Variants in CACNA1C observed in about 807,000 individuals in gnomAD.
The protein encoded by CACNA1C is calcium voltage-gated channel subunit alpha1 C.
In CACNA1C, 30 loss-of-function variants were observed where a neutral mutation model predicts 229.0. The ratio of observed to expected loss-of-function variants is 0.13; its 90% CI spans 0.10 to 0.18. CACNA1C has a LOEUF of 0.18. Among genes scored for constraint, CACNA1C ranks in the 10% least tolerant of loss-of-function variants. The probability of loss-of-function intolerance (pLI) is 1.00; values close to 1 mark genes in which losing one functional copy is unlikely to be tolerated. For missense variants in CACNA1C, 1,658 were observed against 2,845.0 expected (o/e 0.58, Z 9.49); for synonymous variants, 1,114 against 1,132.5 (o/e 0.98, Z 0.33).
chr12:2,042,908 A>T (rs1427036323), intron 1 of CACNA1C, among the ~76,000 whole-genome samples: 1 of 152,230 alleles, frequency 6.6e-6, no homozygotes, highest in Non-Finnish European at 1.5e-5. Context: ...CCACATAAGA[A>T]TAGTTTGCAT....
intron 3 of CACNA1C, among the ~76,000 whole-genome samples, chr12:2,381,686 C>T (rs555023379): frequency 6.6e-6 from 1 of 152,308 alleles, no homozygotes; most frequent in Admixed American, 6.5e-5. Flanking sequence ...GTTTCCTTGT[C>T]GTAGAGAACT....
intron 3 of CACNA1C, among the ~76,000 whole-genome samples, chr12:2,279,363 C>T (rs1323985074): frequency 6.6e-6 from 1 of 152,020 alleles, no homozygotes; most frequent in Non-Finnish European, 1.5e-5. Flanking sequence ...TGCTAGTTAC[C>T]CCTTCATCTT....
At chr12:2,668,631 C>T (rs1254386737) in intron 37 of CACNA1C, 1 of 290,436 alleles carries the variant, frequency 3.4e-6, no homozygotes, top group African/African-American at 2.2e-5. Context: ...AAAGGGGAGG[C>T]AGGTACGTCA....
At chr12:1,996,750 TG>T in intron 1 of CACNA1C, among the ~76,000 whole-genome samples, 1 of 150,884 alleles carries the variant, frequency 6.6e-6, no homozygotes, top group Middle Eastern at 3.6e-3. Flanking sequence ...GGCCGTGGGT[TG>T]GACAAGCTTG....
In CACNA1C at chr12:2,504,804, C is replaced by T; in HGVS notation, c.1114-38C>T. On this transcript the variant is annotated intron_variant, in intron 7 of 46. Coordinates refer to ENST00000399655, the MANE Select transcript of CACNA1C (RefSeq NM_000719.7). The surrounding 1 kb of genome is among the most constrained non-coding windows in gnomAD (Gnocchi z 6.8). ...GACCGGCACTGGCCGTGCTCGGTTG[C>T]TGAGTGTGCCTCACTAACTATCATT... 1 of 1,235,988 alleles carries T rather than the reference C, an allele frequency of 8.1e-7. No individual in the cohort carries two copies. Among genetic ancestry groups the T allele is most frequent in the Non-Finnish European group, 1.2e-6 (1 of 837,736 alleles). The allele number at this position is 1,235,988 out of a possible 1,614,324, so 76.6% of individuals were successfully genotyped here.
At chr12:2,463,371 T>C (rs2154566276) in intron 5 of CACNA1C, among the ~76,000 whole-genome samples, 1 of 152,358 alleles carries the variant, frequency 6.6e-6, no homozygotes, top group East Asian at 1.9e-4. Context: ...AAGATTTTGT[T>C]AGCCATTATA....
At chr12:2,437,494 A>G (rs1463359293) in intron 3 of CACNA1C, among the ~76,000 whole-genome samples, 1 of 152,238 alleles carries the variant, frequency 6.6e-6, no homozygotes, top group Non-Finnish European at 1.5e-5. Flanking sequence ...GGCTTTGTGG[A>G]AGATTATCTA....
chr12:2,691,179 G>T lies in CACNA1C; in HGVS notation c.6397G>T (p.Val2133Phe), dbSNP rs2097784466. 6.3e-7 allele frequency: 1 copy of T among 1,581,990 alleles called. No individual in the cohort carries two copies. Among genetic ancestry groups the T allele is most frequent in the Non-Finnish European group, 8.6e-7 (1 of 1,162,124 alleles). Residue 2133 changes from valine to phenylalanine, a missense_variant, in exon 47 of 47, where the codon GTC becomes TTC. Transcript: ENST00000399655. ...PSEEELQDSRVYVSSL is the reference protein window; with the variant it reads ...PSEEELQDSRFYVSSL ...TGAGGAGGAGCTCCAGGACAGCAGG[G>T]TCTACGTCAGCAGCCTGTAGTGGGC... is the stretch of plus-strand genomic sequence containing the variant.
chr12:2,512,739 C>T lies in CACNA1C; in HGVS notation c.1218-73C>T. ...TTCTCCTTATCTCCATCTCTCCTTC[C>T]ATCCTCGACCCTTCTCGGTGCTCCC... On this transcript the variant is annotated intron_variant, in intron 8 of 46. Transcript: ENST00000399655. The surrounding 1 kb of genome is among the most constrained non-coding windows in gnomAD (Gnocchi z 4.3). 2 of 1,151,498 alleles carry T rather than the reference C, an allele frequency of 1.7e-6. No individual in the cohort carries two copies. Among genetic ancestry groups the T allele is most frequent in the Middle Eastern group, 2.9e-4 (1 of 3,470 alleles). 71.3% of individuals were successfully genotyped at this position (1,151,498 alleles called of 1,614,324 possible).
At chr12:2,272,936 A>G (rs2085777045) in intron 3 of CACNA1C, among the ~76,000 whole-genome samples, 1 of 152,234 alleles carries the variant, frequency 6.6e-6, no homozygotes, top group Non-Finnish European at 1.5e-5. Flanking sequence ...GAAACTGCTC[A>G]TATTACATAT....
At chr12:2,600,735 A>T (rs957590137) in intron 21 of CACNA1C, among the ~76,000 whole-genome samples, 3 of 152,220 alleles carry the variant, frequency 2.0e-5, no homozygotes, top group Admixed American at 2.0e-4. Flanking sequence ...TTCTCTTTTT[A>T]AAAGTTTCCA....
intron 5 of CACNA1C, among the ~76,000 whole-genome samples, chr12:2,484,078 C>G (rs2099687776): frequency 6.6e-6 from 1 of 152,164 alleles, no homozygotes; most frequent in Non-Finnish European, 1.5e-5. Flanking sequence ...CAAAACTCAG[C>G]CTAATGTGAG....
intron 6 of CACNA1C, among the ~76,000 whole-genome samples, chr12:2,491,392 A>G (rs894158689): frequency 2.0e-5 from 3 of 152,120 alleles, no homozygotes; most frequent in Admixed American, 6.5e-5. Context: ...AAGTCAATAA[A>G]GCTGATGGGG....
intron 5 of CACNA1C, among the ~76,000 whole-genome samples, chr12:2,462,854 G>A (rs2099520338): frequency 6.6e-6 from 1 of 151,788 alleles, no homozygotes; most frequent in African/African-American, 2.4e-5. Flanking sequence ...GGTTCATTGG[G>A]CCATTTTTGA....
intron 3 of CACNA1C, among the ~76,000 whole-genome samples, chr12:2,129,290 G>A (rs906656497): frequency 2.0e-5 from 3 of 152,202 alleles, no homozygotes; most frequent in African/African-American, 7.2e-5. Context: ...TTCTGGATGG[G>A]TCTGTGCTTC....
intron 3 of CACNA1C, among the ~76,000 whole-genome samples, chr12:2,408,172 G>A (rs188469045): frequency 1.2e-4 from 19 of 152,328 alleles, no homozygotes; most frequent in African/African-American, 2.9e-4. Flanking sequence ...TTCCACTTAC[G>A]TGAGGTACCC....
chr12:2,231,056 A>G lies in CACNA1C; in HGVS notation c.477+110626A>G, dbSNP rs1044134010. On this transcript the variant is annotated intron_variant, in intron 3 of 46. Transcript: ENST00000399655. ...ATATACAGATACGCACAAAGGTCAG[A>G]AAGGGAAAATAAAAACCGGCTTAAG... 7.2e-5 allele frequency among the ~76,000 whole-genome samples: 11 copies of G among 152,358 alleles called. No homozygotes were observed. In the South Asian group the frequency reaches 2.1e-3, roughly 29 times the overall value.
chr12:2,332,255 G>A (rs7963869), intron 3 of CACNA1C, among the ~76,000 whole-genome samples: 5,257 of 152,284 alleles, frequency 0.035, 122 homozygotes, highest in Non-Finnish European at 0.054. Flanking sequence ...AAGCAAATAT[G>A]ACAAAAATGT....
At chr12:2,456,388 C>T (rs2099419311) in intron 4 of CACNA1C, among the ~76,000 whole-genome samples, 1 of 152,222 alleles carries the variant, frequency 6.6e-6, no homozygotes, top group Non-Finnish European at 1.5e-5. Flanking sequence ...TTCTTTTAGA[C>T]CTGTAGTTAG....
Sources: allele counts gnomAD v4.1 joint callset (sites outside exome capture counted in the v4.1 genomes callset), GRCh38; gene constraint gnomAD v4.1.1; non-coding constraint Gnocchi (gnomAD v3.1); transcripts MANE v1.5; gene names NCBI Gene and HGNC (gene_info 2026-07-23, HGNC 2026-07-21).